Variants in RGS7 observed in about 807,000 individuals in gnomAD.
RGS7 encodes the protein regulator of G protein signaling 7, also known as regulator of G-protein signaling 7.
In RGS7, 27 loss-of-function variants were observed where a neutral mutation model predicts 81.1. The observed-to-expected ratio is 0.33, with a 90% confidence interval of 0.25 to 0.46. The LOEUF is 0.46. RGS7 is among the 20% of genes least tolerant of loss of function. The pLI is 1.00. For synonymous variants in RGS7, 208 were observed against 207.7 expected, an observed-to-expected ratio of 1.00 and a Z score of -0.01; for missense variants, 396 against 607.4, an observed-to-expected ratio of 0.65 and a Z score of 3.66.
rs1412830645 is a variant in RGS7, at chr1:241,074,148, T to G, written c.175+24518A>C. Among the ~76,000 whole-genome samples, 4 of 152,176 alleles carry G rather than the reference T, an allele frequency of 2.6e-5. No individual in the cohort carries two copies. The East Asian group carries it at 5.8e-4, about 22-fold the overall frequency. ...CCTGACCTGAAGTGACCCACCCATC[T>G]CAGCCCCTCAAAGTGCTGGGATTAC... On this transcript the variant is annotated intron_variant, in intron 3 of 18. Coordinates refer to ENST00000440928, the MANE Select transcript of RGS7 (RefSeq NM_001364886.1).
At chr1:241,256,499 C>T (rs1241274460) in intron 2 of RGS7, among the ~76,000 whole-genome samples, 3 of 152,258 alleles carry the variant, frequency 2.0e-5, no homozygotes, top group South Asian at 2.1e-4. Context: ...TTTCTTCAAG[C>T]AACTGTCATA....
intron 10 of RGS7, among the ~76,000 whole-genome samples, chr1:240,819,912 A>G (rs79682204): frequency 0.06 from 9,134 of 152,286 alleles, 936 homozygotes; most frequent in African/African-American, 0.21. Context: ...CCTTTCACCA[A>G]TCTGAGTACT....
Position 241,180,182 on chromosome 1 carries a change from TA to T in RGS7, c.79-81421del, listed in dbSNP as rs563838233. Among the ~76,000 whole-genome samples the T allele has an allele frequency of 3.9e-5, 6 of 152,184 alleles. No homozygotes were observed. In the South Asian group the frequency reaches 1.2e-3, roughly 32 times the overall value. On this transcript the variant is annotated intron_variant, in intron 2 of 18. Transcript: ENST00000440928. ...GAGGTCAGATCGAGACCATCATGGT[TA>T]ACACAGTGAAACCCTGTCTCTCTCT... is the stretch of plus-strand genomic sequence containing the variant.
chr1:241,125,120 T>C (rs892365698), intron 2 of RGS7, among the ~76,000 whole-genome samples: 2 of 152,110 alleles, frequency 1.3e-5, no homozygotes, highest in Admixed American at 1.3e-4. Context: ...GACCCTCCCA[T>C]TGGACAGTGT....
intron 2 of RGS7, among the ~76,000 whole-genome samples, chr1:241,107,356 A>G (rs2065188535): frequency 3.9e-5 from 6 of 152,246 alleles, no homozygotes. Flanking sequence ...GCCTGAGCAC[A>G]TAGCATGCAG....
chr1:240,805,586 T>C (rs1409551746), intron 15 of RGS7, among the ~76,000 whole-genome samples: 1 of 152,152 alleles, frequency 6.6e-6, no homozygotes, highest in Non-Finnish European at 1.5e-5. Flanking sequence ...TTTTTCTTTC[T>C]GTAGGCTAAA....
chr1:240,779,638 A>G (rs1342441805), intron 18 of RGS7, among the ~76,000 whole-genome samples: 1 of 152,120 alleles, frequency 6.6e-6, no homozygotes, highest in Non-Finnish European at 1.5e-5. Flanking sequence ...TTTTGCTTAT[A>G]AGCTACCCAC....
chr1:241,315,485 T>C (rs544429579), intron 2 of RGS7, among the ~76,000 whole-genome samples: 2 of 152,294 alleles, frequency 1.3e-5, no homozygotes, highest in African/African-American at 2.4e-5. Context: ...TACTAAACAT[T>C]TGAATGTAGT....
chr1:241,089,109 C>A (rs2148922603), intron 3 of RGS7, among the ~76,000 whole-genome samples: 2 of 100,800 alleles, frequency 2.0e-5, no homozygotes, highest in East Asian at 2.6e-4. Context: ...TGGCTTAGAC[C>A]TAAGGTGAGT....
chr1:240,839,189 AC>A (rs1443473231), intron 9 of RGS7, among the ~76,000 whole-genome samples: 2 of 152,196 alleles, frequency 1.3e-5, no homozygotes, highest in African/African-American at 2.4e-5. Flanking sequence ...GTTAGCTGTC[AC>A]TTTTTGCTGC....
At chr1:241,005,818 A>ACC (rs1477725936) in intron 3 of RGS7, among the ~76,000 whole-genome samples, 19 of 152,284 alleles carry the variant, frequency 1.2e-4, no homozygotes, top group South Asian at 4.1e-4. Context: ...TACAGGCGTG[A>ACC]GCCACCGCGC....
At chr1:241,272,415 C>CCTA (rs2077965701) in intron 2 of RGS7, among the ~76,000 whole-genome samples, 1 of 152,178 alleles carries the variant, frequency 6.6e-6, no homozygotes, top group Non-Finnish European at 1.5e-5. Context: ...TCAAACATGC[C>CCTA]AGGATTACTA....
chr1:241,137,244 CCTT>C lies in RGS7; in HGVS notation c.79-38485_79-38483del, dbSNP rs2067589900. 4.6e-5 allele frequency among the ~76,000 whole-genome samples: 7 copies of C among 151,742 alleles called. No individual in the cohort carries two copies. The South Asian group carries it at 1.5e-3, about 32-fold the overall frequency. ...TTTTCTTTCTCTCCTGCTGTGAGCT[CCTT>C]GAGGGAAATTTATGTTTCCCAGGTC... On this transcript the variant is annotated intron_variant, in intron 2 of 18. Coordinates refer to ENST00000440928, the MANE Select transcript of RGS7 (RefSeq NM_001364886.1).
At chr1:240,922,213 C>CA (rs2148306796) in intron 6 of RGS7, among the ~76,000 whole-genome samples, 1 of 152,012 alleles carries the variant, frequency 6.6e-6, no homozygotes, top group South Asian at 2.1e-4. Context: ...ACTAATTTCA[C>CA]AAAAATTAAC....
At chr1:240,883,327 T>A (rs1022182091) in intron 6 of RGS7, among the ~76,000 whole-genome samples, 4 of 152,040 alleles carry the variant, frequency 2.6e-5, no homozygotes, top group Non-Finnish European at 4.4e-5. Flanking sequence ...ACTTAAAGTA[T>A]AATAATAATA....
chr1:240,915,082 A>G (rs1672379421), intron 6 of RGS7, among the ~76,000 whole-genome samples: 2 of 152,332 alleles, frequency 1.3e-5, no homozygotes, highest in Non-Finnish European at 2.9e-5. Flanking sequence ...AATGAGGGTC[A>G]GGGAGAAATT....
At chr1:241,018,165 A>G (rs1022259042) in intron 3 of RGS7, among the ~76,000 whole-genome samples, 1 of 49,708 alleles carries the variant, frequency 2.0e-5, no homozygotes, top group Non-Finnish European at 4.1e-5. Flanking sequence ...TTGTATTTTT[A>G]GTAGACACGG....
intron 2 of RGS7, among the ~76,000 whole-genome samples, chr1:241,151,689 C>CAGGCTGCCACAACACT (rs1457461167): frequency 1.3e-5 from 2 of 151,668 alleles, no homozygotes; most frequent in African/African-American, 4.8e-5. Context: ...CCTGCAACAC[C>CAGGCTGCCACAACACT]AGGCTGCCAC....
At chr1:241,193,829 C>T (rs540507005) in intron 2 of RGS7, among the ~76,000 whole-genome samples, 3 of 152,324 alleles carry the variant, frequency 2.0e-5, no homozygotes, top group East Asian at 1.9e-4. Context: ...ATAACACCTT[C>T]TTTCCCAGAA....
Sources: allele counts gnomAD v4.1 joint callset (sites outside exome capture counted in the v4.1 genomes callset), GRCh38; gene constraint gnomAD v4.1.1; transcripts MANE v1.5; gene names NCBI Gene and HGNC (gene_info 2026-07-23, HGNC 2026-07-21).